The following PDE8B variants were observed in gnomAD, a reference collection of about 807,000 sequenced individuals.
PDE8B encodes the protein phosphodiesterase 8B.
A neutral mutation model predicts 101.3 loss-of-function variants in PDE8B; 26 were observed. The observed-to-expected ratio is 0.26, with a 90% CI of 0.19 to 0.36. PDE8B has a LOEUF of 0.36. PDE8B is among the 10% of genes least tolerant of loss of function. The pLI is 1.00. For missense variants in PDE8B, 810 were observed against 1,163.1 expected (o/e 0.70, Z 4.42); for synonymous variants, 424 against 429.3 (o/e 0.99, Z 0.15).
chr5:77,361,761 G>A (rs902589301), intron 10 of PDE8B, among the ~76,000 whole-genome samples: 3 of 152,018 alleles, frequency 2.0e-5, no homozygotes, highest in Admixed American at 6.6e-5. Context: ...TGATCCACCC[G>A]CCTCGGCCTC....
the PDE8B span, among the ~76,000 whole-genome samples, chr5:77,121,035 G>C: frequency 1.3e-5 from 2 of 152,206 alleles, no homozygotes; most frequent in East Asian, 3.9e-4. Flanking sequence ...CAGAAGTATT[G>C]TGTTAGTTAC....
the PDE8B span, among the ~76,000 whole-genome samples, chr5:77,162,802 G>C: frequency 6.6e-6 from 1 of 152,164 alleles, no homozygotes; most frequent in Non-Finnish European, 1.5e-5. Flanking sequence ...GAGAGAAAAT[G>C]AACCACTTTT....
the PDE8B span, chr5:77,130,959 G>A: frequency 6.6e-6 from 1 of 152,218 alleles, no homozygotes; most frequent in Non-Finnish European, 1.5e-5. Context: ...AATCAGGTTT[G>A]AGCCCTGCTC....
At chr5:77,117,445 TCCATCTTTA>T in the PDE8B span, among the ~76,000 whole-genome samples, 1 of 152,326 alleles carries the variant, frequency 6.6e-6, no homozygotes, top group South Asian at 2.1e-4. Flanking sequence ...TGGATAGGAC[TCCATCTTTA>T]CCTTTACCAT....
At chr5:77,411,329 G>A (rs138184677) in intron 14 of PDE8B, among the ~76,000 whole-genome samples, 175 of 152,324 alleles carry the variant, frequency 1.1e-3, no homozygotes, top group African/African-American at 3.8e-3. Context: ...GGGGGATCCC[G>A]TCAAGATCTG....
At chr5:77,155,758 G>A in the PDE8B span, among the ~76,000 whole-genome samples, 3,754 of 152,238 alleles carry the variant, frequency 0.025, 158 homozygotes, top group African/African-American at 0.086. Flanking sequence ...AAATCAGAAC[G>A]AAGAGTTGAA....
At chr5:77,127,100 C>T in the PDE8B span, among the ~76,000 whole-genome samples, 2 of 152,208 alleles carry the variant, frequency 1.3e-5, no homozygotes, top group African/African-American at 4.8e-5. Context: ...CCTAGTGCAA[C>T]ATCCTCAAGA....
In PDE8B at chr5:77,260,472, A is replaced by G. The variant is rs1760302313; in HGVS notation, c.339+49208A>G. Among the ~76,000 whole-genome samples, 4 of 152,204 alleles carry G rather than the reference A, an allele frequency of 2.6e-5. No individual in the cohort carries two copies. The South Asian group carries it at 8.3e-4, about 32-fold the overall frequency. Reference sequence around the variant, plus strand: ...TATGTCAAATTTAATGATTTGATCAATTAGGAAATAGCAAATATATCCATA... The same window carrying G: ...TATGTCAAATTTAATGATTTGATCAGTTAGGAAATAGCAAATATATCCATA... On this transcript the variant is annotated intron_variant, in intron 1 of 21. Coordinates refer to ENST00000264917, the MANE Select transcript of PDE8B (RefSeq NM_003719.5).
the PDE8B span, among the ~76,000 whole-genome samples, chr5:77,185,728 C>G: frequency 1.8e-4 from 28 of 152,244 alleles, no homozygotes; most frequent in South Asian, 3.7e-3. Context: ...CCTGTCCCCC[C>G]ACCCCCTGCC....
intron 1 of PDE8B, among the ~76,000 whole-genome samples, chr5:77,262,155 G>A (rs884162): frequency 0.11 from 16,601 of 151,906 alleles, 1,483 homozygotes; most frequent in African/African-American, 0.24. Flanking sequence ...AAGATCCTGC[G>A]TATGGGAACA....
At chr5:77,263,578 G>A (rs1761066982) in intron 1 of PDE8B, among the ~76,000 whole-genome samples, 1 of 152,100 alleles carries the variant, frequency 6.6e-6, no homozygotes, top group Non-Finnish European at 1.5e-5. Context: ...AAAATAGGAG[G>A]ATTTGAAAAC....
intron 1 of PDE8B, among the ~76,000 whole-genome samples, chr5:77,306,513 G>C (rs113702916): frequency 0.04 from 6,039 of 152,206 alleles, 383 homozygotes; most frequent in African/African-American, 0.13. Flanking sequence ...GGGTGAAGTT[G>C]GACTTGAACC....
chr5:77,378,188 C>T (rs1214775606), intron 10 of PDE8B, among the ~76,000 whole-genome samples: 5 of 152,096 alleles, frequency 3.3e-5, no homozygotes, highest in East Asian at 1.9e-4. Flanking sequence ...TGGCCGGGCA[C>T]GGCGGCTCAT....
intron 10 of PDE8B, among the ~76,000 whole-genome samples, chr5:77,374,230 C>G (rs1396369577): frequency 2.0e-5 from 3 of 151,978 alleles, no homozygotes; most frequent in African/African-American, 4.8e-5. Context: ...CATGATGTAT[C>G]TTTTCCCATC....
chr5:77,266,019 G>C (rs251431), intron 1 of PDE8B, among the ~76,000 whole-genome samples: 19,271 of 152,202 alleles, frequency 0.13, 1,582 homozygotes, highest in East Asian at 0.45. Flanking sequence ...CAGGAAAAAA[G>C]GGGTGCTCAC....
chr5:77,334,118 C>G (rs889248777), intron 5 of PDE8B, among the ~76,000 whole-genome samples: 5 of 152,260 alleles, frequency 3.3e-5, no homozygotes, highest in Admixed American at 3.3e-4. Flanking sequence ...TTTCACAACT[C>G]TCTTCCCAAG....
chr5:77,222,715 T>C (rs1469006248), intron 1 of PDE8B, among the ~76,000 whole-genome samples: 1 of 152,150 alleles, frequency 6.6e-6, no homozygotes, highest in East Asian at 1.9e-4. Context: ...GGATTGGGAA[T>C]TGGGTTCTTC....
At chr5:77,173,135 G>C in the PDE8B span, among the ~76,000 whole-genome samples, 1 of 152,322 alleles carries the variant, frequency 6.6e-6, no homozygotes, top group South Asian at 2.1e-4. Context: ...CAAGAGGTCA[G>C]AAGAGCACAA....
chr5:77,353,534 T>C lies in PDE8B; in HGVS notation c.1167+128T>C. The stretch of plus-strand genomic sequence containing the variant: ...TAATTGTAGCTGCCAATTAAGCAGA[T>C]TTATGGGAAAATTTGGTTCCTCTGA... On this transcript the variant is annotated intron_variant, in intron 10 of 21. Transcript: ENST00000264917. 2.8e-6 allele frequency: 2 copies of C among 718,992 alleles called. 1 individual carries two copies. Among genetic ancestry groups the C allele is most frequent in the South Asian group, 3.0e-5 (2 of 66,640 alleles). The allele number at this position is 718,992 out of a possible 1,614,324, so 44.5% of individuals were successfully genotyped here.
Sources: gnomAD v4.1 joint callset for allele counts (sites outside exome capture counted in the v4.1 genomes callset) on GRCh38, gnomAD v4.1.1 for gene constraint, MANE v1.5 for transcripts, NCBI Gene and HGNC (gene_info 2026-07-23, HGNC 2026-07-21) for gene names.